The following PCDHGA3 variants were observed in gnomAD, a reference collection of about 807,000 sequenced individuals.
PCDHGA3 encodes the protein protocadherin gamma-A3.
PCDHGA3 carries 40 observed loss-of-function variants against 58.5 expected under a neutral mutation model. The observed-to-expected ratio is 0.68, with a 90% CI of 0.53 to 0.89. The LOEUF is 0.89. Ranked by LOEUF, PCDHGA3 falls within the 40% of genes least tolerant of loss-of-function variation. PCDHGA3 has a pLI of 0.00. For missense variants in PCDHGA3, 1,223 were observed against 1,195.9 expected, an observed-to-expected ratio of 1.02 and a Z score of -0.33; for synonymous variants, 530 against 525.7, an observed-to-expected ratio of 1.01 and a Z score of -0.11.
chr5:141,376,525 T>C (rs1772783963), intron 1 of PCDHGA3: 1 of 1,613,730 alleles, frequency 6.2e-7, no homozygotes, highest in Non-Finnish European at 8.5e-7. Context: ...TCTTTCCGCC[T>C]AAGCGGGAAG....
At chr5:141,508,760 T>A (rs1004267844) in intron 3 of PCDHGA3, among the ~76,000 whole-genome samples, 17 of 151,522 alleles carry the variant, frequency 1.1e-4, no homozygotes, top group Admixed American at 1.1e-3. Flanking sequence ...CTCTGGCGCC[T>A]CTGAGGTCCC....
intron 1 of PCDHGA3, chr5:141,355,682 A>T: frequency 6.2e-7 from 1 of 1,613,982 alleles, no homozygotes. Context: ...TTTGATCCGG[A>T]TGTAGGTGTA....
intron 1 of PCDHGA3, chr5:141,408,465 A>C: frequency 6.2e-7 from 1 of 1,613,960 alleles, no homozygotes. Context: ...CTTGTGAAGA[A>C]CCGAATAGAC....
In PCDHGA3 at chr5:141,452,847, T is replaced by G. The variant is rs575815407; in HGVS notation, c.2425-41960T>G. Among the ~76,000 whole-genome samples, 42 of 152,304 alleles carry G rather than the reference T, an allele frequency of 2.8e-4. 1 individual carries two copies. Among genetic ancestry groups the G allele is most frequent in the Admixed American group, 2.5e-3 (38 of 15,302 alleles). ...AAATCACTTGGTCCAGCCCACACTC[T>G]GGGGAGATGATTTTCTAACTCCATT... On this transcript the variant is annotated intron_variant, in intron 1 of 3. Coordinates refer to ENST00000253812, the MANE Select transcript of PCDHGA3 (RefSeq NM_018916.4).
intron 1 of PCDHGA3, chr5:141,361,964 A>G: frequency 3.7e-6 from 6 of 1,602,142 alleles, no homozygotes; most frequent in Non-Finnish European, 5.1e-6. Flanking sequence ...CACGTGCTGC[A>G]GGCCAGCGAG....
chr5:141,502,629 G>A (rs1368174848), intron 2 of PCDHGA3, among the ~76,000 whole-genome samples: 1 of 152,096 alleles, frequency 6.6e-6, no homozygotes, highest in Non-Finnish European at 1.5e-5. Context: ...GTAATCTGTG[G>A]ATGATACTTT....
Position 141,476,024 on chromosome 5 carries a change from C to T in PCDHGA3, c.2425-18783C>T. ...ATCCAGAAAGCCATGTCGGACTCGG[C>T]GCCCAGCGCCCAAGCGCTAACCCGC... On this transcript the variant is annotated intron_variant, in intron 1 of 3. Coordinates refer to ENST00000253812, the MANE Select transcript of PCDHGA3 (RefSeq NM_018916.4). The surrounding 1 kb of genome is among the most constrained non-coding windows in gnomAD (Gnocchi z 7.6). The T allele has an allele frequency of 1.4e-6, 2 of 1,416,548 alleles. No individual in the cohort carries two copies. Among genetic ancestry groups the T allele is most frequent in the Non-Finnish European group, 9.5e-7 (1 of 1,058,066 alleles). 87.7% of individuals were successfully genotyped at this position (1,416,548 alleles called of 1,614,324 possible).
intron 1 of PCDHGA3, chr5:141,422,988 C>T: frequency 6.2e-7 from 1 of 1,614,232 alleles, no homozygotes; most frequent in Non-Finnish European, 8.5e-7. Context: ...AACCTGGCTA[C>T]CTGGTGACCA....
chr5:141,409,462 C>G (rs377705841), intron 1 of PCDHGA3: 1 of 1,613,988 alleles, frequency 6.2e-7, no homozygotes, highest in African/African-American at 1.3e-5. Flanking sequence ...AATACAATGT[C>G]ACCATCGTAG....
intron 1 of PCDHGA3, chr5:141,422,554 G>A (rs753985751): frequency 1.2e-5 from 19 of 1,613,870 alleles, no homozygotes; most frequent in Non-Finnish European, 1.6e-5. Flanking sequence ...CTGGCTGAAT[G>A]TGGCAGATGA....
chr5:141,408,699 CAATT>C (rs778787749), intron 1 of PCDHGA3: 9 of 1,613,534 alleles, frequency 5.6e-6, no homozygotes, highest in Non-Finnish European at 6.8e-6. Flanking sequence ...AACATAAACT[CAATT>C]AAAGATTATA....
chr5:141,454,796 A>ATTTTTCT (rs2098799790), intron 1 of PCDHGA3, among the ~76,000 whole-genome samples: 1 of 77,408 alleles, frequency 1.3e-5, no homozygotes, highest in African/African-American at 5.9e-5. Context: ...CATGGTTCTA[A>ATTTTTCT]TTTTTTTTTT....
chr5:141,403,243 T>C (rs1363955978), intron 1 of PCDHGA3: 2 of 1,613,894 alleles, frequency 1.2e-6, no homozygotes, highest in East Asian at 4.5e-5. Context: ...AGCTCTGTGC[T>C]CAGAGCCCGC....
At position 141,490,409 on chromosome 5, in the gene PCDHGA3, C is replaced by G; in HGVS notation, c.2425-4398C>G. On this transcript the variant is annotated intron_variant, in intron 1 of 3. Transcript: ENST00000253812. The surrounding 1 kb of genome is among the most constrained non-coding windows in gnomAD (Gnocchi z 5.4). ...AATGGTGAAGTGAGCCTTGATATCT[C>G]TCCGGACCTGCCATTTCAGATTAAG... 1 of 1,614,202 alleles carries G rather than the reference C, an allele frequency of 6.2e-7. No homozygotes were observed. Among genetic ancestry groups the G allele is most frequent in the Non-Finnish European group, 8.5e-7 (1 of 1,180,038 alleles).
At chr5:141,352,397 C>T (rs761570903) in intron 1 of PCDHGA3, 3 of 1,613,940 alleles carry the variant, frequency 1.9e-6, no homozygotes, top group Non-Finnish European at 2.5e-6. Context: ...GCGCCTGCGA[C>T]GTTCCTCCAG....
intron 1 of PCDHGA3, among the ~76,000 whole-genome samples, chr5:141,483,913 C>G (rs988014158): frequency 6.7e-6 from 1 of 148,188 alleles, no homozygotes; most frequent in African/African-American, 2.5e-5. Context: ...GTTTCCCACT[C>G]AGATTGCAGG....
At chr5:141,375,619 G>A (rs373115950) in intron 1 of PCDHGA3, 123 of 1,614,098 alleles carry the variant, frequency 7.6e-5, no homozygotes, top group Non-Finnish European at 1.0e-4. Context: ...CCGACACTGG[G>A]ATTCTGTACG....
intron 1 of PCDHGA3, among the ~76,000 whole-genome samples, chr5:141,455,204 T>G (rs1173402170): frequency 6.6e-6 from 1 of 152,052 alleles, no homozygotes; most frequent in Admixed American, 6.6e-5. Context: ...TTACAACCAA[T>G]AAGAGTTTTT....
In PCDHGA3 at chr5:141,366,622, G is replaced by GC. The variant is rs757320555; in HGVS notation, c.2424+20165_2424+20166insC. The GC allele has an allele frequency of 1.3e-5, 21 of 1,614,240 alleles. No individual in the cohort carries two copies. The East Asian group carries it at 4.5e-4, about 34-fold the overall frequency. On this transcript the variant is annotated intron_variant, in intron 1 of 3. Coordinates refer to ENST00000253812, the MANE Select transcript of PCDHGA3 (RefSeq NM_018916.4). The stretch of plus-strand genomic sequence containing the variant: ...AGGTCTCCCTCACCGCGGACTCGAG[G>GC]AAGAGTCACCTGATCTTTCCCCAGC...
Sources: gnomAD v4.1 joint callset for allele counts (sites outside exome capture counted in the v4.1 genomes callset) on GRCh38, gnomAD v4.1.1 for gene constraint, Gnocchi (gnomAD v3.1) non-coding constraint, MANE v1.5 for transcripts, NCBI Gene and HGNC (gene_info 2026-07-23, HGNC 2026-07-21) for gene names.